The following GRB2 variants were observed in gnomAD, a reference collection of about 807,000 sequenced individuals.
GRB2 encodes growth factor receptor-bound protein 2.
GRB2 carries 2 observed loss-of-function variants against 27.4 expected under a neutral mutation model. The ratio of observed to expected loss-of-function variants is 0.07; its 90% CI spans 0.03 to 0.23. The LOEUF (loss-of-function observed/expected upper bound fraction) is 0.23, where lower values mean the gene tolerates loss of function less well. Ranked by LOEUF, GRB2 falls within the 10% of genes least tolerant of loss-of-function variation. The pLI, the probability that GRB2 is intolerant of heterozygous loss-of-function variation, is 1.00. For missense variants in GRB2, 102 were observed against 282.4 expected, an observed-to-expected ratio of 0.36 and a Z score of 4.58; for synonymous variants, 94 against 99.6, an observed-to-expected ratio of 0.94 and a Z score of 0.33.
intron 1 of GRB2, among the ~76,000 whole-genome samples, chr17:75,401,449 C>T (rs1281714047): frequency 5.5e-4 from 32 of 58,236 alleles, no homozygotes; most frequent in Non-Finnish European, 3.2e-4. Context: ...GAGACTCCGT[C>T]TCAAAAAAAA....
chr17:75,376,054 G>A (rs1452090439), intron 2 of GRB2, among the ~76,000 whole-genome samples: 4 of 132,086 alleles, frequency 3.0e-5, no homozygotes, highest in Admixed American at 8.2e-5. Context: ...AAAAATTACC[G>A]GGGCCTGCAT....
chr17:75,354,264 T>TGGGGG (rs755108476), intron 2 of GRB2, among the ~76,000 whole-genome samples: 6 of 38,226 alleles, frequency 1.6e-4, no homozygotes, highest in African/African-American at 2.5e-4. Context: ...TCTTTTTTTT[T>TGGGGG]GGGGGGGGGG....
At position 75,332,759 on chromosome 17, in the gene GRB2, T is replaced by G. The variant is rs1399833988; in HGVS notation, c.117A>C (p.Ala39=). Residue 39 remains alanine, a synonymous_variant, in exon 3 of 6, where the codon GCA becomes GCC. Transcript: ENST00000316804. ...NEECDQNWYK[A]ELNGKDGFIP... ...TGAAGCCGTCTTTTCCATTAAGCTC[T>G]GCCTTGTACCAGTTCTGATCACATT... The G allele has an allele frequency of 6.2e-7, 1 of 1,612,344 alleles. No individual in the cohort carries two copies. Among genetic ancestry groups the G allele is most frequent in the Admixed American group, 1.7e-5 (1 of 59,874 alleles).
At chr17:75,383,666 A>G (rs1015910322) in intron 2 of GRB2, among the ~76,000 whole-genome samples, 7 of 152,136 alleles carry the variant, frequency 4.6e-5, no homozygotes, top group Non-Finnish European at 8.8e-5. Context: ...ATATGGTGAA[A>G]GCCCGTCTCT....
At chr17:75,330,997 T>TC (rs1241544575) in intron 3 of GRB2, among the ~76,000 whole-genome samples, 566 of 151,132 alleles carry the variant, frequency 3.7e-3, no homozygotes, top group African/African-American at 0.013. Context: ...TAACCCCTGC[T>TC]CCCCACCCCC....
Position 75,320,881 on chromosome 17 carries a change from G to A in GRB2, c.469-328C>T, listed in dbSNP as rs573664828. 3.3e-5 allele frequency among the ~76,000 whole-genome samples: 5 copies of A among 152,288 alleles called. No individual in the cohort carries two copies. The East Asian group carries it at 5.8e-4, about 18-fold the overall frequency. On this transcript the variant is annotated intron_variant, in intron 5 of 5. Transcript: ENST00000316804. This position sits in a 1 kb window ranked among gnomAD's most constrained non-coding sequence, Gnocchi z 4.3. ...AGAAACAGCCATCTGTGTTTAGGCC[G>A]TGGGCCCAGAATCGCAAATCCCTTC... is the stretch of plus-strand genomic sequence containing the variant.
intron 1 of GRB2, among the ~76,000 whole-genome samples, chr17:75,399,218 T>TTG (rs140196630): frequency 0.013 from 1,983 of 149,778 alleles, 21 homozygotes; most frequent in African/African-American, 0.033. Context: ...TGGCTAATTT[T>TTG]TGTGTGTGTG....
At chr17:75,343,495 A>G (rs1473124451) in intron 2 of GRB2, among the ~76,000 whole-genome samples, 1 of 152,214 alleles carries the variant, frequency 6.6e-6, no homozygotes, top group African/African-American at 2.4e-5. Context: ...ATTACAGGAT[A>G]TTTCTTTCTC....
intron 1 of GRB2, among the ~76,000 whole-genome samples, chr17:75,400,033 G>C (rs1195215807): frequency 6.7e-6 from 1 of 150,242 alleles, no homozygotes; most frequent in Non-Finnish European, 1.5e-5. Context: ...GTCTTGCTCT[G>C]TCACCCAGTC....
At chr17:75,328,876 T>C (rs1342403386) in intron 3 of GRB2, among the ~76,000 whole-genome samples, 1 of 151,858 alleles carries the variant, frequency 6.6e-6, no homozygotes, top group Non-Finnish European at 1.5e-5. Flanking sequence ...AGGCGGAGCT[T>C]GCAGTGAGCC....
At chr17:75,384,541 A>T (rs1451314895) in intron 2 of GRB2, among the ~76,000 whole-genome samples, 1 of 152,062 alleles carries the variant, frequency 6.6e-6, no homozygotes, top group Non-Finnish European at 1.5e-5. Context: ...GTGGTGGCAC[A>T]TGCCTATAAT....
At chr17:75,352,278 C>T (rs1351602835) in intron 2 of GRB2, among the ~76,000 whole-genome samples, 2 of 152,088 alleles carry the variant, frequency 1.3e-5, no homozygotes, top group African/African-American at 4.8e-5. Context: ...CCTTGCTCCG[C>T]CTCTAGTTCT....
chr17:75,391,845 C>T (rs888063328), intron 2 of GRB2, among the ~76,000 whole-genome samples: 3 of 151,654 alleles, frequency 2.0e-5, no homozygotes, highest in Non-Finnish European at 4.4e-5. Context: ...AAAAAGAGAC[C>T]GCATGCCCCT....
At position 75,322,263 on chromosome 17, in the gene GRB2, T is replaced by G. The variant is rs61764616; in HGVS notation, c.300-436A>C. Among the ~76,000 whole-genome samples the G allele has an allele frequency of 3.2e-3, 488 of 151,444 alleles. 4 individuals carry two copies. Among genetic ancestry groups the G allele is most frequent in the African/African-American group, 0.011 (452 of 41,236 alleles). On this transcript the variant is annotated intron_variant, in intron 4 of 5. Transcript: ENST00000316804. Reference sequence around the variant, plus strand: ...GGTGCATGCCTGTAATCCCAGCTACTCGGGAGGCTGAGGCAGGAGAATCAC... The same window carrying G: ...GGTGCATGCCTGTAATCCCAGCTACGCGGGAGGCTGAGGCAGGAGAATCAC...
At chr17:75,361,386 G>C (rs2078780634) in intron 2 of GRB2, among the ~76,000 whole-genome samples, 1 of 152,140 alleles carries the variant, frequency 6.6e-6, no homozygotes, top group Non-Finnish European at 1.5e-5. Flanking sequence ...CAGAAAAATA[G>C]GACAAGATGG....
At chr17:75,346,425 G>A (rs1348940091) in intron 2 of GRB2, among the ~76,000 whole-genome samples, 2 of 151,926 alleles carry the variant, frequency 1.3e-5, no homozygotes, top group African/African-American at 4.8e-5. Flanking sequence ...GAACCTGGGA[G>A]GCAGAAGTTG....
rs371432454 is a variant in GRB2, at chr17:75,357,893, C to T, written c.79-25096G>A. The stretch of plus-strand genomic sequence containing the variant: ...CCAAGATCGCGCCACTGCACTCCTG[C>T]CTAGGCGACACAGTGAGACTTTGTC... On this transcript the variant is annotated intron_variant, in intron 2 of 5. Coordinates refer to ENST00000316804, the MANE Select transcript of GRB2 (RefSeq NM_002086.5). Among the ~76,000 whole-genome samples the T allele has an allele frequency of 1.7e-3, 251 of 151,976 alleles. 7 individuals are homozygous for T. In the South Asian group the frequency reaches 0.048, roughly 29 times the overall value.
chr17:75,350,235 G>GGAA (rs1555610397), intron 2 of GRB2, among the ~76,000 whole-genome samples: 52 of 130,970 alleles, frequency 4.0e-4, no homozygotes, highest in African/African-American at 7.3e-4. Flanking sequence ...TCTCTGAGGG[G>GGAA]AAAAAAAAAA....
intron 1 of GRB2, among the ~76,000 whole-genome samples, chr17:75,400,989 G>A (rs964520432): frequency 7.3e-5 from 11 of 149,852 alleles, no homozygotes; most frequent in Non-Finnish European, 1.6e-4. Context: ...TTGAGACGGA[G>A]TCTTGCTCTG....
Sources: allele counts gnomAD v4.1 joint callset (sites outside exome capture counted in the v4.1 genomes callset), GRCh38; gene constraint gnomAD v4.1.1; non-coding constraint Gnocchi (gnomAD v3.1); transcripts MANE v1.5; gene names NCBI Gene and HGNC (gene_info 2026-07-23, HGNC 2026-07-21).